Variants in PCBP2 observed in about 807,000 individuals in gnomAD.
PCBP2 encodes the protein poly(rC) binding protein 2, also known as poly(rC)-binding protein 2.
In PCBP2, 4 loss-of-function variants were observed where a neutral mutation model predicts 50.1. The ratio of observed to expected loss-of-function variants is 0.08; its 90% CI spans 0.04 to 0.18. PCBP2 has a LOEUF of 0.18. Among genes scored for constraint, PCBP2 ranks in the 10% least tolerant of loss-of-function variants. The pLI, the probability that PCBP2 is intolerant of heterozygous loss-of-function variation, is 1.00. For missense variants in PCBP2, 161 were observed against 474.3 expected (o/e 0.34, Z 6.14); for synonymous variants, 179 against 168.0 (o/e 1.07, Z -0.51).
At position 53,458,430 on chromosome 12, in the gene PCBP2, C is replaced by T. The variant is rs543290897; in HGVS notation, c.244-842C>T. Among the ~76,000 whole-genome samples the T allele has an allele frequency of 7.8e-4, 118 of 151,624 alleles. 1 individual carries two copies. Among genetic ancestry groups the T allele is most frequent in the African/African-American group, 2.3e-3 (97 of 41,296 alleles). ...AAGCGATTCTCCTGCCTCAGTCTCC[C>T]GAGAGTAGCCTGGACTACAGGCGCA... On this transcript the variant is annotated intron_variant, in intron 5 of 14. Transcript: ENST00000546463.
intron 14 of PCBP2, chr12:53,475,160 C>T (rs768783965): frequency 6.1e-5 from 28 of 456,540 alleles, no homozygotes; most frequent in African/African-American, 2.2e-4. Context: ...CCACCTCTGC[C>T]GTGCCATGTG....
chr12:53,459,741 A>T (rs994094824), intron 6 of PCBP2: 2 of 292,628 alleles, frequency 6.8e-6, no homozygotes, highest in African/African-American at 4.5e-5. Context: ...CGGTTTTTCT[A>T]TTTTTTAATT....
At chr12:53,458,049 C>T (rs566180457) in intron 5 of PCBP2, among the ~76,000 whole-genome samples, 1 of 152,116 alleles carries the variant, frequency 6.6e-6, no homozygotes, top group African/African-American at 2.4e-5. Flanking sequence ...CTGCCTCGGC[C>T]TCCCCAGTAG....
In PCBP2 at chr12:53,457,397, C is replaced by T. The variant is rs564627790; in HGVS notation, c.243+1396C>T. ...TTTTATTTTTTGAGACAGGGTCTTG[C>T]TCTGTTACCGAGGCTGAAGTACAGT... On this transcript the variant is annotated intron_variant, in intron 5 of 14. Coordinates refer to ENST00000546463, the MANE Select transcript of PCBP2 (RefSeq NM_031989.5). Among the ~76,000 whole-genome samples, 287 of 151,582 alleles carry T rather than the reference C, an allele frequency of 1.9e-3. 2 individuals carry two copies. The highest frequency in any genetic ancestry group is 3.2e-3 in the Admixed American group (48 of 15,184).
chr12:53,479,671 G>GTTTTTTTTTTTTGGT lies in PCBP2; in HGVS notation c.*243_*244insTTTTTTTTTTTTTGG. 3 of 202,212 alleles carry GTTTTTTTTTTTTGGT rather than the reference G, an allele frequency of 1.5e-5. No individual in the cohort carries two copies. Among genetic ancestry groups the GTTTTTTTTTTTTGGT allele is most frequent in the African/African-American group, 2.7e-5 (1 of 36,802 alleles). The allele number at this position is 202,212 out of a possible 1,614,324, so 12.5% of individuals were successfully genotyped here. On this transcript the variant is annotated 3_prime_UTR_variant, in exon 15 of 15. Coordinates refer to ENST00000546463, the MANE Select transcript of PCBP2 (RefSeq NM_031989.5). ...ATTTAGTTTTATAAGCTTCTCCCTG[G>GTTTTTTTTTTTTGGT]TTTTTTTTTTTTGGCTCATGAATTT...
intron 9 of PCBP2, among the ~76,000 whole-genome samples, chr12:53,465,300 G>T (rs189720015): frequency 1.3e-5 from 2 of 152,022 alleles, no homozygotes; most frequent in East Asian, 1.9e-4. Flanking sequence ...TATGTTGTGG[G>T]GGGGAGGAGG....
chr12:53,478,997 CTCTT>C (rs1245127254), intron 14 of PCBP2, among the ~76,000 whole-genome samples: 18 of 152,058 alleles, frequency 1.2e-4, no homozygotes, highest in African/African-American at 3.9e-4. Context: ...TCTCAGATGA[CTCTT>C]TCTTTCCTAA....
rs921635409 is a variant in PCBP2 at position 53,458,313 on chromosome 12, T to C, written c.244-959T>C. Among the ~76,000 whole-genome samples, 8 of 152,052 alleles carry C rather than the reference T, an allele frequency of 5.3e-5. 1 individual carries two copies. The highest frequency in any genetic ancestry group is 3.4e-3 in the Middle Eastern group (1 of 294). The stretch of plus-strand genomic sequence containing the variant: ...TTCGTTTTTGTTTTTGTTTTTGTTT[T>C]GTTTTGTTTTGAGATGGAGTCTCAT... On this transcript the variant is annotated intron_variant, in intron 5 of 14. Transcript: ENST00000546463.
At chr12:53,455,022 A>G (rs1350156844) in intron 2 of PCBP2, among the ~76,000 whole-genome samples, 153 bp downstream of exon 2, 1 of 152,202 alleles carries the variant, frequency 6.6e-6, no homozygotes, top group Non-Finnish European at 1.5e-5. Flanking sequence ...GTAGTGGGAA[A>G]ATGGACAGAC....
chr12:53,461,444 G>C (rs546833821), intron 7 of PCBP2, among the ~76,000 whole-genome samples: 115 of 152,326 alleles, frequency 7.5e-4, no homozygotes, highest in African/African-American at 2.6e-3. Flanking sequence ...GAGTTCCTGA[G>C]TAGCTGAGTT....
At chr12:53,477,680 A>G (rs1014300642) in intron 14 of PCBP2, among the ~76,000 whole-genome samples, 5 of 149,906 alleles carry the variant, frequency 3.3e-5, no homozygotes, top group African/African-American at 9.8e-5. Flanking sequence ...AAAAAAAAAA[A>G]AAAAAAAAAA....
chr12:53,459,952 T>C, intron 6 of PCBP2: 1 of 437,992 alleles, frequency 2.3e-6, no homozygotes, highest in Non-Finnish European at 4.6e-6. Context: ...AAAAATGGTG[T>C]TTTGCCATGT....
intron 14 of PCBP2, chr12:53,474,954 C>CCTT (rs753254432): frequency 6.8e-5 from 31 of 456,748 alleles, no homozygotes; most frequent in African/African-American, 4.4e-4. Context: ...ACCCTCCACC[C>CCTT]CTTCTTCTTC....
At chr12:53,460,984 C>G in intron 6 of PCBP2, 31 bp from the exon 7 acceptor site, 1 of 1,610,362 alleles carries the variant, frequency 6.2e-7, no homozygotes, top group Non-Finnish European at 8.5e-7. Context: ...AACTGTTTTT[C>G]TCTGATTTTG....
intron 13 of PCBP2, among the ~76,000 whole-genome samples, chr12:53,469,279 T>C (rs1483653365): frequency 6.6e-6 from 1 of 152,110 alleles, no homozygotes; most frequent in Admixed American, 6.5e-5. Context: ...TGTTTTTGTT[T>C]TTCATACCCC....
At position 53,455,413 on chromosome 12, in the gene PCBP2, C is replaced by T. The variant is rs776807923; in HGVS notation, c.93+43C>T. ...CAACTTCAATTACCATTTAGTAATTCTGGATTGAAGTAGCAGTTGGAGCTC... is the reference window on the plus strand; with the variant it reads ...CAACTTCAATTACCATTTAGTAATTTTGGATTGAAGTAGCAGTTGGAGCTC... On this transcript the variant is annotated intron_variant, in intron 3 of 14. Coordinates refer to ENST00000546463, the MANE Select transcript of PCBP2 (RefSeq NM_031989.5). 1.4e-5 allele frequency: 23 copies of T among 1,613,338 alleles called. No individual in the cohort carries two copies. In the South Asian group the frequency reaches 2.0e-4, roughly 14 times the overall value.
At chr12:53,454,682 C>G in intron 1 of PCBP2, 44 bp from the exon 2 acceptor site, 1 of 716,394 alleles carries the variant, frequency 1.4e-6, no homozygotes, top group Non-Finnish European at 2.5e-6. Context: ...AAATAATAAC[C>G]TTGTTGTTTT....
chr12:53,452,601 C>T (rs945510634), intron 1 of PCBP2, among the ~76,000 whole-genome samples: 1 of 151,544 alleles, frequency 6.6e-6, no homozygotes, highest in Non-Finnish European at 1.5e-5. Context: ...CCGCCTTTTC[C>T]CGGTGGCGGC....
At chr12:53,477,461 C>A (rs936684454) in intron 14 of PCBP2, among the ~76,000 whole-genome samples, 1 of 151,848 alleles carries the variant, frequency 6.6e-6, no homozygotes, top group Non-Finnish European at 1.5e-5. Context: ...GTCAGGAGAT[C>A]AAGACCATCC....
Sources: gnomAD v4.1 joint callset for allele counts (sites outside exome capture counted in the v4.1 genomes callset) on GRCh38, gnomAD v4.1.1 for gene constraint, MANE v1.5 for transcripts, NCBI Gene and HGNC (gene_info 2026-07-23, HGNC 2026-07-21) for gene names.